The following AGBL3 variants were observed in gnomAD, a reference collection of about 807,000 sequenced individuals.
The protein encoded by AGBL3 is cytosolic carboxypeptidase 3.
Under a neutral mutation model 94.5 loss-of-function variants are expected in AGBL3, and 68 were observed. That is an observed-to-expected ratio of 0.72 (90% CI 0.59 to 0.88). AGBL3 has a LOEUF of 0.88. Ranked by LOEUF, AGBL3 falls within the 40% of genes least tolerant of loss-of-function variation. The pLI is 0.00. For missense variants in AGBL3, 934 were observed against 1,103.8 expected (o/e 0.85, Z 2.18); for synonymous variants, 354 against 370.7 (o/e 0.95, Z 0.52).
At chr7:135,037,611 T>A (rs1563205818) in intron 8 of AGBL3, 31 bp downstream of exon 8, 1 of 1,493,286 alleles carries the variant, frequency 6.7e-7, no homozygotes, top group Non-Finnish European at 9.0e-7. Context: ...TAACTTTTCC[T>A]TTATCAAATG....
At chr7:135,088,022 C>T (rs1821467090) in intron 15 of AGBL3, among the ~76,000 whole-genome samples, 2 of 151,968 alleles carry the variant, frequency 1.3e-5, no homozygotes, top group South Asian at 4.1e-4. Context: ...CATATGTATT[C>T]ACAATCATTA....
At chr7:134,999,511 C>T (rs1404125820) in intron 4 of AGBL3, among the ~76,000 whole-genome samples, 8 of 152,196 alleles carry the variant, frequency 5.3e-5, no homozygotes, top group Non-Finnish European at 1.0e-4. Context: ...ATTTCATGGA[C>T]CCACATGCCC....
intron 4 of AGBL3, among the ~76,000 whole-genome samples, chr7:135,015,517 T>C (rs1378199150): frequency 6.6e-6 from 1 of 152,188 alleles, no homozygotes; most frequent in Non-Finnish European, 1.5e-5. Flanking sequence ...GGGTTACATC[T>C]GATTCTCAAA....
At chr7:135,027,099 A>T (rs1815230071) in intron 5 of AGBL3, among the ~76,000 whole-genome samples, 1 of 151,518 alleles carries the variant, frequency 6.6e-6, no homozygotes, top group African/African-American at 2.4e-5. Context: ...CCCAGGCTGG[A>T]GTGCAGTGGC....
chr7:135,106,236 T>C (rs1824698443), intron 15 of AGBL3, among the ~76,000 whole-genome samples: 1 of 152,234 alleles, frequency 6.6e-6, no homozygotes, highest in Admixed American at 6.5e-5. Context: ...TCTTGGCTGA[T>C]TGCTCTGGCC....
intron 12 of AGBL3, among the ~76,000 whole-genome samples, chr7:135,071,383 A>T (rs1242839295): frequency 1.3e-5 from 2 of 152,118 alleles, no homozygotes; most frequent in Non-Finnish European, 1.5e-5. Flanking sequence ...GTTACCAATG[A>T]CTTTCTTCAC....
At chr7:135,055,516 T>C (rs538351148) in intron 11 of AGBL3, among the ~76,000 whole-genome samples, 40 of 120,598 alleles carry the variant, frequency 3.3e-4, no homozygotes, top group African/African-American at 1.1e-3. Context: ...AAAAATATAT[T>C]GATATAATTT....
intron 16 of AGBL3, chr7:135,129,316 G>A: frequency 1.0e-5 from 14 of 1,347,430 alleles, no homozygotes; most frequent in Middle Eastern, 2.0e-4. Flanking sequence ...GTCTCTCCAT[G>A]TAAGGTGACT....
At chr7:135,071,440 G>C (rs1310655490) in intron 12 of AGBL3, among the ~76,000 whole-genome samples, 1 of 152,110 alleles carries the variant, frequency 6.6e-6, no homozygotes, top group Non-Finnish European at 1.5e-5. Context: ...CCAAAAAAGA[G>C]CCCGCATTGC....
chr7:135,116,221 C>G (rs747573826), intron 16 of AGBL3, among the ~76,000 whole-genome samples: 1 of 152,010 alleles, frequency 6.6e-6, no homozygotes, highest in African/African-American at 2.4e-5. Context: ...AACTGAGGTG[C>G]AAAGAGGTTA....
intron 4 of AGBL3, among the ~76,000 whole-genome samples, chr7:135,008,184 G>GA (rs1029756373): frequency 1.9e-4 from 28 of 150,626 alleles, no homozygotes; most frequent in African/African-American, 4.1e-4. Flanking sequence ...CCAAAAAAAA[G>GA]AAAAAAAAAC....
chr7:135,029,298 C>T (rs1815478700), intron 5 of AGBL3, among the ~76,000 whole-genome samples: 1 of 152,220 alleles, frequency 6.6e-6, no homozygotes, highest in Admixed American at 6.5e-5. Context: ...GGCTGATTGT[C>T]TACATTGAAA....
chr7:135,122,757 C>G (rs1827320908), intron 16 of AGBL3, among the ~76,000 whole-genome samples: 1 of 152,064 alleles, frequency 6.6e-6, no homozygotes, highest in South Asian at 2.1e-4. Flanking sequence ...ATGACGAGGG[C>G]CTGAAGTGAA....
chr7:135,024,579 A>G (rs2116332622), intron 5 of AGBL3, among the ~76,000 whole-genome samples: 2 of 152,304 alleles, frequency 1.3e-5, no homozygotes, highest in East Asian at 3.9e-4. Context: ...AGATAATTCG[A>G]AAAGTCTGAG....
chr7:135,014,622 GTTTA>G (rs1011426896), intron 4 of AGBL3, among the ~76,000 whole-genome samples: 12 of 152,170 alleles, frequency 7.9e-5, no homozygotes, highest in Admixed American at 3.9e-4. Flanking sequence ...TTGCATAGAA[GTTTA>G]TTTTTTTTTC....
chr7:135,024,115 G>A (rs1050115996), intron 5 of AGBL3, among the ~76,000 whole-genome samples: 19 of 152,286 alleles, frequency 1.2e-4, no homozygotes, highest in South Asian at 4.1e-4. Context: ...CTACATGACC[G>A]TCTGGGAAGG....
chr7:135,046,655 A>T (rs1040787767), intron 11 of AGBL3, among the ~76,000 whole-genome samples: 1 of 151,980 alleles, frequency 6.6e-6, no homozygotes, highest in Non-Finnish European at 1.5e-5. Context: ...TTAAAAGCTC[A>T]TTTATTTTTA....
Position 135,034,238 on chromosome 7 carries a change from G to A in AGBL3, c.647G>A (p.Arg216Gln), listed in dbSNP as rs779574796. 4.1e-5 allele frequency: 63 copies of A among 1,551,540 alleles called. No homozygotes were observed. The highest frequency in any genetic ancestry group is 1.2e-4 in the Admixed American group (6 of 50,980). ...TACTATTTCCAAGTCACTAATATGC[G>A]AGCAGGAATAGTCTACAGATTCACT... is the stretch of plus-strand genomic sequence containing the variant. ...QWYYFQVTNM[R>Q]AGIVYRFTIV... Residue 216 changes from arginine (R) to glutamine (Q), a missense_variant, in exon 7 of 17, where the codon CGA becomes CAA. Transcript: ENST00000436302.
At chr7:135,039,144 C>G (rs1816594541) in intron 8 of AGBL3, among the ~76,000 whole-genome samples, 1 of 152,042 alleles carries the variant, frequency 6.6e-6, no homozygotes, top group South Asian at 2.1e-4. Flanking sequence ...GGAACACCAC[C>G]AACATAAATC....
Sources: gnomAD v4.1 joint callset for allele counts (sites outside exome capture counted in the v4.1 genomes callset) on GRCh38, gnomAD v4.1.1 for gene constraint, MANE v1.5 for transcripts, NCBI Gene and HGNC (gene_info 2026-07-23, HGNC 2026-07-21) for gene names.